Variants in RBMS1 observed in about 807,000 individuals in gnomAD.
The protein encoded by RBMS1 is RNA binding motif single stranded interacting protein 1.
A neutral mutation model predicts 62.3 loss-of-function variants in RBMS1; 17 were observed. That is an observed-to-expected ratio of 0.27 (90% CI 0.19 to 0.41). The LOEUF is 0.41. Among genes scored for constraint, RBMS1 ranks in the 10% least tolerant of loss-of-function variants. The pLI is 1.00. For synonymous variants in RBMS1, 172 were observed against 170.0 expected, an observed-to-expected ratio of 1.01 and a Z score of -0.09; for missense variants, 334 against 504.5, an observed-to-expected ratio of 0.66 and a Z score of 3.24.
chr2:160,337,797 G>A (rs1466633938), intron 2 of RBMS1, among the ~76,000 whole-genome samples: 1 of 152,242 alleles, frequency 6.6e-6, no homozygotes, highest in East Asian at 1.9e-4. Context: ...TGTTAGGGGA[G>A]CAATCAGGGA....
intron 1 of RBMS1, among the ~76,000 whole-genome samples, chr2:160,481,054 C>T (rs901889080): frequency 4.1e-5 from 6 of 147,392 alleles, no homozygotes; most frequent in Non-Finnish European, 1.5e-5. Context: ...GCACTCCAGC[C>T]TAGGCAACAG....
At chr2:160,308,440 C>T (rs1314681366) in intron 4 of RBMS1, among the ~76,000 whole-genome samples, 1 of 151,844 alleles carries the variant, frequency 6.6e-6, no homozygotes, top group Admixed American at 6.6e-5. Context: ...AAATCATCTC[C>T]CTGAAAGATG....
intron 1 of RBMS1, among the ~76,000 whole-genome samples, chr2:160,397,130 C>T (rs766518018): frequency 9.2e-5 from 14 of 151,996 alleles, no homozygotes; most frequent in Admixed American, 2.0e-4. Context: ...GGATACCATG[C>T]CAACTCGTAC....
At position 160,413,505 on chromosome 2, in the gene RBMS1, G is replaced by C. The variant is rs535901547; in HGVS notation, c.76-46114C>G. Among the ~76,000 whole-genome samples the C allele has an allele frequency of 2.1e-4, 32 of 152,070 alleles. No homozygotes were observed. In the South Asian group the frequency reaches 3.5e-3, roughly 17 times the overall value. On this transcript the variant is annotated intron_variant, in intron 1 of 13. Coordinates refer to ENST00000348849, the MANE Select transcript of RBMS1 (RefSeq NM_016836.4). ...TGCAATTCTTATTCCAAACGTAAAG[G>C]CTCCCTAGACATGTATAAAAGTACA...
chr2:160,317,651 T>C (rs1252521121), intron 3 of RBMS1, among the ~76,000 whole-genome samples: 2 of 152,188 alleles, frequency 1.3e-5, no homozygotes, highest in Middle Eastern at 3.4e-3. Flanking sequence ...TCAGTGAAAA[T>C]GGTTGTCTCC....
At chr2:160,289,546 T>C (rs1688574139) in intron 6 of RBMS1, among the ~76,000 whole-genome samples, 1 of 152,204 alleles carries the variant, frequency 6.6e-6, no homozygotes, top group African/African-American at 2.4e-5. Context: ...AAATTTTAAC[T>C]TAATGTCCAC....
intron 1 of RBMS1, among the ~76,000 whole-genome samples, chr2:160,424,052 T>C (rs891149626): frequency 1.3e-5 from 2 of 150,250 alleles, no homozygotes; most frequent in African/African-American, 4.9e-5. Context: ...AGAGTCTCAC[T>C]CTGTCGCCCA....
chr2:160,274,910 C>T (rs1423062379), intron 13 of RBMS1, 146 bp from the exon 14 acceptor site: 1 of 152,582 alleles, frequency 6.6e-6, no homozygotes, highest in African/African-American at 2.4e-5. Flanking sequence ...AATGCAGACT[C>T]TGGAACTGAT....
chr2:160,318,303 C>T (rs1690351823), intron 2 of RBMS1, 76 bp from the exon 3 acceptor site: 1 of 1,442,414 alleles, frequency 6.9e-7, no homozygotes, highest in Non-Finnish European at 9.1e-7. Context: ...CTTATTAATG[C>T]CTAAATCCAA....
intron 1 of RBMS1, among the ~76,000 whole-genome samples, chr2:160,425,607 G>C (rs1208742627): frequency 6.6e-6 from 1 of 152,192 alleles, no homozygotes; most frequent in Non-Finnish European, 1.5e-5. Context: ...GTGAGACTCA[G>C]AGAGTAGAAG....
chr2:160,342,001 T>C (rs556530428), intron 2 of RBMS1, among the ~76,000 whole-genome samples: 66 of 152,302 alleles, frequency 4.3e-4, no homozygotes, highest in African/African-American at 1.5e-3. Context: ...AAAGGGCTAA[T>C]TGAGATGTCC....
At chr2:160,455,966 A>G (rs1231565644) in intron 1 of RBMS1, among the ~76,000 whole-genome samples, 2 of 151,956 alleles carry the variant, frequency 1.3e-5, no homozygotes, top group Non-Finnish European at 2.9e-5. Context: ...TACAGGCGTG[A>G]GCCACCGCGC....
chr2:160,429,879 G>A (rs1225268564), intron 1 of RBMS1, among the ~76,000 whole-genome samples: 1 of 152,246 alleles, frequency 6.6e-6, no homozygotes, highest in Non-Finnish European at 1.5e-5. Flanking sequence ...TTGCCTAAGG[G>A]ATGGCCCTGT....
intron 1 of RBMS1, among the ~76,000 whole-genome samples, chr2:160,470,827 T>C (rs913163792): frequency 1.3e-5 from 2 of 149,862 alleles, no homozygotes; most frequent in Non-Finnish European, 2.9e-5. Context: ...GCAATGAATG[T>C]TATAATGTAA....
At chr2:160,346,884 T>C (rs7425274) in intron 2 of RBMS1, among the ~76,000 whole-genome samples, 65,625 of 151,922 alleles carry the variant, frequency 0.43, 14,441 homozygotes, top group East Asian at 0.57. Flanking sequence ...GATTCCCTGA[T>C]AAATTGAAAC....
Position 160,486,206 on chromosome 2 carries a change from A to G in RBMS1, c.75+7083T>C, listed in dbSNP as rs1372133052. 2.0e-5 allele frequency among the ~76,000 whole-genome samples: 3 copies of G among 152,316 alleles called. No homozygotes were observed. In the South Asian group the frequency reaches 6.2e-4, roughly 32 times the overall value. ...AAGTATTTAACAGGGGAAATAGTATAGTATTATTTGAGGATAATATAAATG... is the reference window on the plus strand; with the variant it reads ...AAGTATTTAACAGGGGAAATAGTATGGTATTATTTGAGGATAATATAAATG... On this transcript the variant is annotated intron_variant, in intron 1 of 13. Coordinates refer to ENST00000348849, the MANE Select transcript of RBMS1 (RefSeq NM_016836.4).
intron 2 of RBMS1, among the ~76,000 whole-genome samples, chr2:160,353,919 A>G (rs945905778): frequency 3.3e-5 from 5 of 152,114 alleles, no homozygotes; most frequent in African/African-American, 1.2e-4. Flanking sequence ...CAAGAACCCT[A>G]CGTTGCAGAT....
At position 160,487,385 on chromosome 2, in the gene RBMS1, A is replaced by G. The variant is rs76818299; in HGVS notation, c.75+5904T>C. Among the ~76,000 whole-genome samples the G allele has an allele frequency of 2.0e-4, 31 of 152,258 alleles. 1 individual carries two copies. In the East Asian group the frequency reaches 6.0e-3, roughly 29 times the overall value. On this transcript the variant is annotated intron_variant, in intron 1 of 13. Coordinates refer to ENST00000348849, the MANE Select transcript of RBMS1 (RefSeq NM_016836.4). Reference sequence around the variant, plus strand: ...ACTACTTTGTAAATATTCTGTGCTTATTTCTTGCCTTGTGTCTATTCTGTC... The same window carrying G: ...ACTACTTTGTAAATATTCTGTGCTTGTTTCTTGCCTTGTGTCTATTCTGTC...
chr2:160,339,020 G>A (rs556816717), intron 2 of RBMS1, among the ~76,000 whole-genome samples: 1 of 152,202 alleles, frequency 6.6e-6, no homozygotes, highest in African/African-American at 2.4e-5. Flanking sequence ...AAGTTGTCCA[G>A]GATCATCCAC....
Sources: gnomAD v4.1 joint callset for allele counts (sites outside exome capture counted in the v4.1 genomes callset) on GRCh38, gnomAD v4.1.1 for gene constraint, MANE v1.5 for transcripts, NCBI Gene and HGNC (gene_info 2026-07-23, HGNC 2026-07-21) for gene names.